Variants in SLC4A9 observed in about 807,000 individuals in gnomAD.
SLC4A9 encodes anion exchange protein 4.
A neutral mutation model predicts 103.2 loss-of-function variants in SLC4A9; 102 were observed. The ratio of observed to expected loss-of-function variants is 0.99; its 90% CI spans 0.84 to 1.17. SLC4A9 has a LOEUF of 1.17. Among genes scored for constraint, SLC4A9 ranks in the 50% most tolerant of loss-of-function variants. SLC4A9 has a pLI of 0.00. For synonymous variants in SLC4A9, 453 were observed against 483.6 expected (o/e 0.94, Z 0.83); for missense variants, 1,091 against 1,193.7 (o/e 0.91, Z 1.27).
intron 6 of SLC4A9, 89 bp downstream of exon 6, chr5:140,362,621 A>C: frequency 7.7e-7 from 1 of 1,294,260 alleles, no homozygotes; most frequent in Non-Finnish European, 1.1e-6. Flanking sequence ...GGCTCATGTG[A>C]GTGTGTGTGT....
At chr5:140,372,917 T>C in intron 21 of SLC4A9, 74 bp downstream of exon 21, 3 of 873,364 alleles carry the variant, frequency 3.4e-6, no homozygotes, top group Non-Finnish European at 5.1e-6. Context: ...CTCTCCAGTG[T>C]GTTGGCCAGC....
chr5:140,374,697 C>T (rs1340406556), intron 21 of SLC4A9, 130 bp from the exon 22 acceptor site: 1 of 152,162 alleles, frequency 6.6e-6, no homozygotes, highest in Admixed American at 6.6e-5. Context: ...TCTCTTATCA[C>T]TCTTTTTGCT....
intron 16 of SLC4A9, among the ~76,000 whole-genome samples, chr5:140,368,240 C>T (rs1215398771): frequency 6.6e-6 from 1 of 152,210 alleles, no homozygotes; most frequent in Non-Finnish European, 1.5e-5. Flanking sequence ...CTGTTGGAAG[C>T]ACAGTCTAAG....
chr5:140,371,094 G>C lies in SLC4A9; in HGVS notation c.2428-1G>C. 1.2e-6 allele frequency: 2 copies of C among 1,610,026 alleles called. No homozygotes were observed. Among genetic ancestry groups the C allele is most frequent in the Non-Finnish European group, 1.7e-6 (2 of 1,178,138 alleles). ...GATAACTCTCTGCTTCTTTCTACCA[G>C]TTCATTCCAATGCCTGTGCTCTATG... On this transcript the variant is annotated splice_acceptor_variant, in intron 17 of 21. Transcript: ENST00000506757. LOFTEE classifies it high-confidence loss of function.
chr5:140,370,297 C>T (rs1420698139), intron 17 of SLC4A9, among the ~76,000 whole-genome samples: 10 of 151,696 alleles, frequency 6.6e-5, no homozygotes, highest in Non-Finnish European at 5.9e-5. Context: ...AACCCCATCT[C>T]TACTAAAAAT....
chr5:140,362,252 C>A, intron 5 of SLC4A9, 78 bp downstream of exon 5: 1 of 1,411,730 alleles, frequency 7.1e-7, no homozygotes, highest in Non-Finnish European at 9.5e-7. Context: ...AGGAGGGTCT[C>A]AGTCTGATTC....
chr5:140,364,162 G>A lies in SLC4A9; in HGVS notation c.1363G>A (p.Glu455Lys), dbSNP rs781082714. Residue 455 changes from glutamate (E) to lysine (K), a missense_variant, in exon 10 of 22, where the codon GAG becomes AAG. Coordinates refer to ENST00000506757, the MANE Select transcript of SLC4A9 (RefSeq NM_031467.3). ...LSSTGPVLVF[E>K]RLLFSFSRDY... The stretch of plus-strand genomic sequence containing the variant: ...CAGCACGGGGCCAGTGCTGGTCTTT[G>A]AGCGCCTGCTCTTCTCTTTCAGCAG... 1.1e-5 allele frequency: 18 copies of A among 1,576,774 alleles called. No individual in the cohort carries two copies. Among genetic ancestry groups the A allele is most frequent in the Non-Finnish European group, 1.6e-5 (18 of 1,161,196 alleles).
intron 21 of SLC4A9, among the ~76,000 whole-genome samples, chr5:140,373,680 G>A (rs115318148): frequency 1.3e-3 from 191 of 152,348 alleles, no homozygotes; most frequent in African/African-American, 4.5e-3. Context: ...TAGGGAGGCT[G>A]AGGCAAGAGG....
In SLC4A9 at chr5:140,361,345, C is replaced by A. The variant is rs1193850651; in HGVS notation, c.483C>A (p.Thr161=). Residue 161 remains threonine, a synonymous_variant, in exon 3 of 22, where the codon ACC becomes ACA. Transcript: ENST00000506757. ...LLQRPQHYNQ[T]TGTRPCWGST... is the part of the protein sequence containing the mutation. ...AGAGACCCCAGCATTACAACCAGAC[C>A]ACAGGCACCAGGCCCTGCTGGGGTG... The A allele has an allele frequency of 6.4e-7, 1 of 1,559,670 alleles. No homozygotes were observed. The highest frequency in any genetic ancestry group is 1.2e-5 in the South Asian group (1 of 84,412).
chr5:140,368,468 G>T (rs1768221696), intron 16 of SLC4A9, 119 bp from the exon 17 acceptor site: 2 of 730,618 alleles, frequency 2.7e-6, no homozygotes, highest in Admixed American at 3.0e-5. Context: ...TGACCTACTG[G>T]GGTATTCCTC....
intron 14 of SLC4A9, 118 bp from the exon 15 acceptor site, chr5:140,367,302 C>T: frequency 1.6e-6 from 2 of 1,251,520 alleles, no homozygotes; most frequent in Non-Finnish European, 2.2e-6. Flanking sequence ...ACACAGCCCA[C>T]TAGCATCTAG....
In SLC4A9 at chr5:140,367,426, C is replaced by T. The variant is rs372215362; in HGVS notation, c.2020C>T (p.Leu674Phe). The part of the protein sequence containing the change: ...LMVPREFKPT[L>F]PGRGWLVSPF... ...ATGAAATGCCCTCCTCCAGCCCACA[C>T]TCCCTGGGCGTGGCTGGCTGGTGTC... The change falls in exon 15 of 22, where the codon CTC becomes TTC. Residue 674 changes from leucine to phenylalanine, a missense_variant. By Grantham distance (22) the Leu-to-Phe change is conservative. Coordinates refer to ENST00000506757, the MANE Select transcript of SLC4A9 (RefSeq NM_031467.3). 3 of 1,612,074 alleles carry T rather than the reference C, an allele frequency of 1.9e-6. No individual in the cohort carries two copies. Among genetic ancestry groups the T allele is most frequent in the Non-Finnish European group, 2.5e-6 (3 of 1,179,252 alleles).
At chr5:140,362,640 T>C in intron 6 of SLC4A9, 108 bp downstream of exon 6, 2 of 1,163,354 alleles carry the variant, frequency 1.7e-6, no homozygotes, top group Admixed American at 1.8e-5. Flanking sequence ...GTGTGGACTC[T>C]GTATGTGTCC....
intron 14 of SLC4A9, among the ~76,000 whole-genome samples, 174 bp from the exon 15 acceptor site, chr5:140,367,246 T>C (rs1055188169): frequency 1.1e-4 from 17 of 152,190 alleles, no homozygotes; most frequent in African/African-American, 3.4e-4. Context: ...TCTCCTTCCA[T>C]CTGCTGTCTT....
chr5:140,368,520 A>C, intron 16 of SLC4A9, 67 bp from the exon 17 acceptor site: 1 of 1,400,526 alleles, frequency 7.1e-7, no homozygotes, highest in African/African-American at 1.4e-5. Flanking sequence ...GTATTCAGCC[A>C]GGATCTCCAG....
chr5:140,369,618 G>A (rs910418948), intron 17 of SLC4A9, among the ~76,000 whole-genome samples: 2 of 152,152 alleles, frequency 1.3e-5, no homozygotes, highest in African/African-American at 4.8e-5. Context: ...ATGGAAGCTG[G>A]GTGAAAGTGG....
Position 140,371,632 on chromosome 5 carries a change from G to A in SLC4A9, c.2670+8G>A, listed in dbSNP as rs765282261. 6.2e-7 allele frequency: 1 copy of A among 1,613,986 alleles called. No homozygotes were observed. Among genetic ancestry groups the A allele is most frequent in the South Asian group, 1.1e-5 (1 of 91,084 alleles). ...ATCATCTTCCCCCTCATGGTAAGCT[G>A]AGGCAGGGTTGGGCTGTGTCCTGGA... On this transcript the variant is annotated splice_region_variant and intron_variant, in intron 19 of 21. Coordinates refer to ENST00000506757, the MANE Select transcript of SLC4A9 (RefSeq NM_031467.3).
At position 140,361,882 on chromosome 5, in the gene SLC4A9, G is replaced by A; in HGVS notation, c.561+19G>A. ...GGAACAGGTTTGTGGCCCTTCCTTG[G>A]GGTCCCTTTCCAGTGGCTGGGAGAG... On this transcript the variant is annotated intron_variant, in intron 4 of 21. Coordinates refer to ENST00000506757, the MANE Select transcript of SLC4A9 (RefSeq NM_031467.3). 6.2e-7 allele frequency: 1 copy of A among 1,613,296 alleles called. No individual in the cohort carries two copies. The highest frequency in any genetic ancestry group is 8.5e-7 in the Non-Finnish European group (1 of 1,179,512).
At position 140,371,568 on chromosome 5, in the gene SLC4A9, C is replaced by T; in HGVS notation, c.2614C>T (p.Leu872=). ...HLFTAIQLAC[L]GLLWIIKSTP... ...CTTCACAGCCATCCAGCTTGCCTGT[C>T]TGGGGCTGCTTTGGATAATCAAGTC... is the stretch of plus-strand genomic sequence containing the variant. Residue 872 remains leucine, a synonymous_variant, in exon 19 of 22, where the codon CTG becomes TTG. Transcript: ENST00000506757. 1 of 1,614,066 alleles carries T rather than the reference C, an allele frequency of 6.2e-7. No homozygotes were observed. The highest frequency in any genetic ancestry group is 2.2e-5 in the East Asian group (1 of 44,886).
Sources: gnomAD v4.1 joint callset for allele counts (sites outside exome capture counted in the v4.1 genomes callset) on GRCh38, gnomAD v4.1.1 for gene constraint, MANE v1.5 for transcripts, NCBI Gene and HGNC (gene_info 2026-07-23, HGNC 2026-07-21) for gene names.